The following RAB27B variants were observed in gnomAD, a reference collection of about 807,000 sequenced individuals.
RAB27B encodes the protein RAB27B, member RAS oncogene family, also known as ras-related protein Rab-27B.
Under a neutral mutation model 24.6 loss-of-function variants are expected in RAB27B, and 15 were observed. The observed-to-expected ratio is 0.61, with a 90% CI of 0.41 to 0.94. The LOEUF (loss-of-function observed/expected upper bound fraction) is 0.94. Ranked by LOEUF, RAB27B falls within the 40% of genes least tolerant of loss-of-function variation. RAB27B has a pLI of 0.00. For synonymous variants in RAB27B, 105 were observed against 92.5 expected (o/e 1.14, Z -0.78); for missense variants, 261 against 266.8 (o/e 0.98, Z 0.15).
chr18:54,793,969 T>TA (rs143525845), intron 2 of RAB27B, among the ~76,000 whole-genome samples: 1 of 152,206 alleles, frequency 6.6e-6, no homozygotes, highest in Non-Finnish European at 1.5e-5. Context: ...ATGATCCACA[T>TA]AAAAATGCAC....
chr18:54,888,103 T>A lies in RAB27B; in HGVS notation c.452T>A (p.Leu151Gln), dbSNP rs770277500. The A allele has an allele frequency of 1.5e-5, 24 of 1,612,694 alleles. No individual in the cohort carries two copies. Among genetic ancestry groups the A allele is most frequent in the Non-Finnish European group, 1.8e-5 (21 of 1,179,206 alleles). ...REVNERQARE[L>Q]ADKYGIPYFE... ...GTCAATGAACGGCAAGCTCGGGAACTGGCTGACAAATATGGGTAAGTCAGT... is the reference window on the plus strand; with the variant it reads ...GTCAATGAACGGCAAGCTCGGGAACAGGCTGACAAATATGGGTAAGTCAGT... Residue 151 changes from leucine (L) to glutamine (Q), a missense_variant, in exon 5 of 6, where the codon CTG (leucine) becomes CAG (glutamine). Physicochemically the swap from Leu to Gln is moderately radical, Grantham distance 113 (BLOSUM62 -2). Coordinates refer to ENST00000262094, the MANE Select transcript of RAB27B (RefSeq NM_004163.4).
intron 1 of RAB27B, among the ~76,000 whole-genome samples, chr18:54,866,286 CGCCCCT>C (rs1912221328): frequency 6.6e-6 from 1 of 152,080 alleles, no homozygotes. Flanking sequence ...CCCGCCTCCC[CGCCCCT>C]GCCCCCCGCG....
At chr18:54,765,138 G>A (rs1453824572) in intron 2 of RAB27B, among the ~76,000 whole-genome samples, 1 of 152,036 alleles carries the variant, frequency 6.6e-6, no homozygotes, top group African/African-American at 2.4e-5. Context: ...ACATGACTTT[G>A]GGAAGATTCT....
At chr18:54,739,213 G>T (rs1440282905) in intron 2 of RAB27B, among the ~76,000 whole-genome samples, 1 of 152,070 alleles carries the variant, frequency 6.6e-6, no homozygotes, top group African/African-American at 2.4e-5. Flanking sequence ...CCAGCACTTT[G>T]GGAGGCTGAA....
Position 54,889,987 on chromosome 18 carries a change from A to C in RAB27B, c.*574A>C, listed in dbSNP as rs1913304128. On this transcript the variant is annotated 3_prime_UTR_variant, in exon 6 of 6. Transcript: ENST00000262094. ...ATTACTGATAAGGTTACAAATAGGT[A>C]AATGTCACACTTCTGTTAAAATGCA... The C allele has an allele frequency of 6.6e-6, 1 of 152,194 alleles. No homozygotes were observed. Among genetic ancestry groups the C allele is most frequent in the South Asian group, 2.1e-4 (1 of 4,836 alleles). The allele number at this position is 152,194 out of a possible 1,614,324, so 9.4% of individuals were successfully genotyped here.
chr18:54,731,927 G>A (rs988500207), intron 2 of RAB27B, among the ~76,000 whole-genome samples: 45 of 152,214 alleles, frequency 3.0e-4, no homozygotes, highest in African/African-American at 9.6e-4. Flanking sequence ...ATTTCTGTCC[G>A]TGATAAGTTT....
At chr18:54,825,894 C>G (rs966885551), upstream of RAB27B, among the ~76,000 whole-genome samples, 1 of 152,198 alleles carries the variant, frequency 6.6e-6, no homozygotes, top group African/African-American at 2.4e-5. Flanking sequence ...GCCTCCTAGG[C>G]CTGAGCCTGC....
At chr18:54,742,538 C>G (rs1910101229) in intron 2 of RAB27B, among the ~76,000 whole-genome samples, 1 of 152,152 alleles carries the variant, frequency 6.6e-6, no homozygotes, top group Non-Finnish European at 1.5e-5. Flanking sequence ...TTTGCTATGT[C>G]TGCAATAGAT....
At chr18:54,750,507 C>A (rs1340119558) in intron 2 of RAB27B, among the ~76,000 whole-genome samples, 4 of 152,018 alleles carry the variant, frequency 2.6e-5, no homozygotes, top group Non-Finnish European at 5.9e-5. Flanking sequence ...ACTAAAGAAA[C>A]AAAGACCCAG....
chr18:54,869,439 C>T (rs535026503), intron 1 of RAB27B, among the ~76,000 whole-genome samples: 20 of 152,306 alleles, frequency 1.3e-4, no homozygotes, highest in Non-Finnish European at 2.8e-4. Flanking sequence ...CAAGAATGTT[C>T]CTTGAGCAAA....
intron 5 of RAB27B, among the ~76,000 whole-genome samples, chr18:54,889,005 C>A (rs1913256512): frequency 6.6e-6 from 1 of 152,042 alleles, no homozygotes; most frequent in South Asian, 2.1e-4. Context: ...TGTCAATTTC[C>A]TTGCCCATAA....
intron 1 of RAB27B, among the ~76,000 whole-genome samples, chr18:54,874,834 T>C (rs1306505651): frequency 6.6e-6 from 1 of 152,168 alleles, no homozygotes; most frequent in Non-Finnish European, 1.5e-5. Flanking sequence ...ACAAACATTA[T>C]CACCCTCCAA....
chr18:54,772,269 G>A (rs1446490647), intron 2 of RAB27B, among the ~76,000 whole-genome samples: 1 of 152,180 alleles, frequency 6.6e-6, no homozygotes, highest in South Asian at 2.1e-4. Flanking sequence ...TGTATCATGG[G>A]TTAGATGCCA....
chr18:54,763,148 T>G (rs1409465703), intron 2 of RAB27B, among the ~76,000 whole-genome samples: 1 of 152,006 alleles, frequency 6.6e-6, no homozygotes, highest in Non-Finnish European at 1.5e-5. Flanking sequence ...CTTCAAAGAG[T>G]AAATAAATAA....
In RAB27B at chr18:54,731,255, G is replaced by A. The variant is rs1422102766; in HGVS notation, c.-20+13114G>A. 2.6e-5 allele frequency among the ~76,000 whole-genome samples: 4 copies of A among 152,196 alleles called. No individual in the cohort carries two copies. In the East Asian group the frequency reaches 5.8e-4, roughly 22 times the overall value. On this transcript the variant is annotated intron_variant, in intron 2 of 4. Coordinates refer to the RAB27B transcript ENST00000586570. ...GCTGAACCTGTAAGTACCTGAAGAT[G>A]TAGCCTAAAATGTATTAACAGAATA... is the stretch of plus-strand genomic sequence containing the variant.
chr18:54,859,142 C>T (rs1378736849), intron 1 of RAB27B, among the ~76,000 whole-genome samples: 5 of 152,224 alleles, frequency 3.3e-5, no homozygotes, highest in East Asian at 3.9e-4. Context: ...GTGTCCTTTC[C>T]GAGTGCCACA....
At chr18:54,799,864 T>C (rs1909546844) in intron 2 of RAB27B, among the ~76,000 whole-genome samples, 2 of 152,058 alleles carry the variant, frequency 1.3e-5, no homozygotes, top group Admixed American at 6.6e-5. Context: ...GCCAGGATGG[T>C]CTTGATCTCC....
chr18:54,826,843 G>A (rs1223254880), upstream of RAB27B, among the ~76,000 whole-genome samples: 3 of 152,062 alleles, frequency 2.0e-5, no homozygotes, highest in Admixed American at 6.5e-5. Flanking sequence ...TATAATAGAC[G>A]CCTTGCCTAT....
At chr18:54,744,877 G>C in intron 2 of RAB27B, 1 of 214,746 alleles carries the variant, frequency 4.7e-6, no homozygotes, top group South Asian at 8.7e-5. Context: ...AAGGAAAAGT[G>C]ATGGCATCTG....
Sources: allele counts gnomAD v4.1 joint callset (sites outside exome capture counted in the v4.1 genomes callset), GRCh38; gene constraint gnomAD v4.1.1; transcripts MANE v1.5; gene names NCBI Gene and HGNC (gene_info 2026-07-23, HGNC 2026-07-21).